The following CNTN5 variants were observed in gnomAD, a reference collection of about 807,000 sequenced individuals.
CNTN5 encodes contactin-5.
Under a neutral mutation model 129.1 loss-of-function variants are expected in CNTN5, and 77 were observed. The ratio of observed to expected loss-of-function variants is 0.60; its 90% CI spans 0.50 to 0.72. The LOEUF is 0.72. Ranked by LOEUF, CNTN5 falls within the 30% of genes least tolerant of loss-of-function variation. The probability of loss-of-function intolerance (pLI) is 0.00; values close to 1 mark genes in which losing one functional copy is unlikely to be tolerated. For missense variants in CNTN5, 1,478 were observed against 1,328.8 expected (o/e 1.11, Z -1.75); for synonymous variants, 509 against 465.6 (o/e 1.09, Z -1.20).
intron 2 of CNTN5, among the ~76,000 whole-genome samples, chr11:99,442,865 T>C (rs1943894612): frequency 6.6e-6 from 1 of 152,126 alleles, no homozygotes; most frequent in Admixed American, 6.5e-5. Context: ...AGTTGGAAAT[T>C]GATGCTGTGG....
intron 1 of CNTN5, among the ~76,000 whole-genome samples, chr11:99,136,876 G>A (rs1462837845): frequency 6.6e-6 from 1 of 151,890 alleles, no homozygotes; most frequent in African/African-American, 2.4e-5. Context: ...TTTAATATTT[G>A]TTCAGCATTA....
chr11:100,012,472 T>C (rs2137528703), intron 9 of CNTN5, among the ~76,000 whole-genome samples: 1 of 152,288 alleles, frequency 6.6e-6, no homozygotes, highest in African/African-American at 2.4e-5. Context: ...GCTTTTACAC[T>C]GAGAGGTGTT....
chr11:99,720,454 C>A (rs983245283), intron 3 of CNTN5, among the ~76,000 whole-genome samples: 1 of 152,030 alleles, frequency 6.6e-6, no homozygotes, highest in Non-Finnish European at 1.5e-5. Flanking sequence ...TGATAAAATT[C>A]ATCATCACTT....
At chr11:99,273,041 A>C (rs1863249000) in intron 1 of CNTN5, among the ~76,000 whole-genome samples, 1 of 151,854 alleles carries the variant, frequency 6.6e-6, no homozygotes, top group Admixed American at 6.6e-5. Context: ...AATACAAATA[A>C]CAATGATTGT....
At chr11:100,329,503 G>A (rs1341340840) in intron 21 of CNTN5, among the ~76,000 whole-genome samples, 2 of 152,206 alleles carry the variant, frequency 1.3e-5, no homozygotes, top group East Asian at 3.9e-4. Context: ...CCACCACTTG[G>A]CTGGAGGCCA....
chr11:100,036,295 T>C (rs1942000146), intron 9 of CNTN5, among the ~76,000 whole-genome samples: 1 of 152,046 alleles, frequency 6.6e-6, no homozygotes, highest in Non-Finnish European at 1.5e-5. Flanking sequence ...CGGCATTATT[T>C]CTGAGGGCTC....
chr11:99,527,867 A>G (rs1192577373), intron 2 of CNTN5, among the ~76,000 whole-genome samples: 4 of 152,160 alleles, frequency 2.6e-5, no homozygotes, highest in African/African-American at 4.8e-5. Context: ...GTAGACAGAG[A>G]TCAAGCAGAT....
intron 3 of CNTN5, among the ~76,000 whole-genome samples, chr11:99,795,039 G>T (rs1024909390): frequency 2.0e-5 from 3 of 152,068 alleles, no homozygotes; most frequent in Non-Finnish European, 4.4e-5. Context: ...TGCTTTCTCT[G>T]TCTCTTTTTA....
chr11:99,608,360 A>C lies in CNTN5; in HGVS notation c.55+52091A>C, dbSNP rs1280537409. ...CAGGTCTACAAAACAGTAAGATTAG[A>C]CTAGGTAGTAAGGGCAATGCATGGG... is the stretch of plus-strand genomic sequence containing the variant. On this transcript the variant is annotated intron_variant, in intron 3 of 24. Coordinates refer to ENST00000524871, the MANE Select transcript of CNTN5 (RefSeq NM_014361.4). 3.3e-5 allele frequency among the ~76,000 whole-genome samples: 5 copies of C among 152,252 alleles called. No homozygotes were observed. The East Asian group carries it at 9.7e-4, about 29-fold the overall frequency.
chr11:99,143,171 C>T (rs1036835748), intron 1 of CNTN5, among the ~76,000 whole-genome samples: 1 of 151,694 alleles, frequency 6.6e-6, no homozygotes, highest in African/African-American at 2.4e-5. Context: ...AAATCTTTAA[C>T]AAGCAAACAA....
intron 3 of CNTN5, among the ~76,000 whole-genome samples, chr11:99,688,252 G>T (rs987153198): frequency 1.3e-5 from 2 of 152,076 alleles, no homozygotes; most frequent in Non-Finnish European, 2.9e-5. Context: ...ATGTTGCCCA[G>T]GCCGGTCTTG....
At chr11:99,519,354 T>TTTTTTTTTTTTTTTGAG (rs1264373340) in intron 2 of CNTN5, among the ~76,000 whole-genome samples, 1 of 152,094 alleles carries the variant, frequency 6.6e-6, no homozygotes, top group Non-Finnish European at 1.5e-5. Flanking sequence ...CTGCTATCCT[T>TTTTTTTTTTTTTTTGAG]ACAGTTTGTT....
chr11:99,664,489 T>A (rs1376138916), intron 3 of CNTN5, among the ~76,000 whole-genome samples: 1 of 152,154 alleles, frequency 6.6e-6, no homozygotes, highest in Admixed American at 6.5e-5. Context: ...TTTTCAGTTC[T>A]CAGTAACAAC....
intron 18 of CNTN5, among the ~76,000 whole-genome samples, chr11:100,293,823 A>C (rs867511897): frequency 6.6e-6 from 1 of 151,690 alleles, no homozygotes; most frequent in African/African-American, 2.4e-5. Context: ...TAAACTCTTA[A>C]GGAAATAACA....
intron 1 of CNTN5, among the ~76,000 whole-genome samples, chr11:99,088,179 T>G (rs559359522): frequency 6.6e-6 from 1 of 152,166 alleles, no homozygotes; most frequent in African/African-American, 2.4e-5. Flanking sequence ...CACATGGAGG[T>G]CAGTGTCTTT....
chr11:99,969,090 C>G (rs1352074638), intron 8 of CNTN5, among the ~76,000 whole-genome samples: 2 of 151,940 alleles, frequency 1.3e-5, no homozygotes, highest in Non-Finnish European at 2.9e-5. Flanking sequence ...CAATTTCTTC[C>G]TAAGCATACT....
chr11:99,129,289 C>T (rs148405149), intron 1 of CNTN5, among the ~76,000 whole-genome samples: 6 of 152,206 alleles, frequency 3.9e-5, no homozygotes, highest in African/African-American at 7.2e-5. Context: ...GAACATAGCA[C>T]GAGAACTCTG....
At chr11:99,942,477 T>G (rs189944211) in intron 7 of CNTN5, among the ~76,000 whole-genome samples, 44 of 152,190 alleles carry the variant, frequency 2.9e-4, no homozygotes, top group African/African-American at 1.0e-3. Flanking sequence ...TAATGATGTA[T>G]CTACAAAATT....
At chr11:99,889,417 A>G (rs1413630504) in intron 6 of CNTN5, among the ~76,000 whole-genome samples, 9 of 150,972 alleles carry the variant, frequency 6.0e-5, no homozygotes, top group Non-Finnish European at 1.5e-5. Flanking sequence ...AAAATACAGT[A>G]TTCTATAAAT....
Sources: allele counts gnomAD v4.1 joint callset (sites outside exome capture counted in the v4.1 genomes callset), GRCh38; gene constraint gnomAD v4.1.1; transcripts MANE v1.5; gene names NCBI Gene and HGNC (gene_info 2026-07-23, HGNC 2026-07-21).